Variants in APOB observed in about 807,000 individuals in gnomAD.
The protein encoded by APOB is apolipoprotein B.
APOB carries 153 observed loss-of-function variants against 314.1 expected under a neutral mutation model. The observed-to-expected ratio is 0.49, with a 90% CI of 0.43 to 0.56. The LOEUF (loss-of-function observed/expected upper bound fraction) is 0.56. Among genes scored for constraint, APOB ranks in the 20% least tolerant of loss-of-function variants. APOB has a pLI of 0.00. For missense variants in APOB, 5,430 were observed against 5,350.7 expected (o/e 1.01, Z -0.46); for synonymous variants, 2,087 against 2,036.4 (o/e 1.02, Z -0.67).
intron 28 of APOB, 22 bp downstream of exon 28, chr2:21,004,247 T>C (rs1663066615): frequency 1.2e-6 from 2 of 1,613,118 alleles, no homozygotes; most frequent in East Asian, 2.2e-5. Context: ...TGGGGGCGTG[T>C]CACTCATTAG....
chr2:21,043,842 C>T (rs755979791), intron 1 of APOB, 22 bp downstream of exon 1: 2 of 1,530,348 alleles, frequency 1.3e-6, no homozygotes, highest in Non-Finnish European at 8.7e-7. Flanking sequence ...CCTCTGCGCC[C>T]GCAGAGCGGC....
intron 14 of APOB, 78 bp from the exon 15 acceptor site, chr2:21,027,042 G>T: frequency 7.6e-7 from 1 of 1,321,194 alleles, no homozygotes; most frequent in Non-Finnish European, 1.1e-6. Flanking sequence ...CACTCTTGAT[G>T]TCCATTTATC....
chr2:21,041,717 TTTAAATAGCCCAA>T (rs1035622086), intron 3 of APOB, among the ~76,000 whole-genome samples: 1 of 152,184 alleles, frequency 6.6e-6, no homozygotes, highest in African/African-American at 2.4e-5. Flanking sequence ...TTTCATTCCA[TTTAAATAGCCCAA>T]TGTGGCTCAT....
At chr2:21,025,220 G>T (rs1411412535) in intron 15 of APOB, 96 bp from the exon 16 acceptor site, 6 of 1,270,378 alleles carry the variant, frequency 4.7e-6, no homozygotes, top group Non-Finnish European at 5.7e-6. Context: ...GCCAGGATGG[G>T]CCTAAAAAAT....
chr2:21,041,791 A>C (rs1029143106), intron 3 of APOB, among the ~76,000 whole-genome samples: 4 of 152,276 alleles, frequency 2.6e-5, no homozygotes, highest in East Asian at 3.8e-4. Flanking sequence ...CTCTAAAAAA[A>C]GGTGACTGCT....
chr2:21,004,527 G>A (rs774067597), intron 27 of APOB, 34 bp downstream of exon 27: 4 of 1,611,958 alleles, frequency 2.5e-6, no homozygotes, highest in African/African-American at 2.7e-5. Context: ...GTTTTCAAAA[G>A]GTATAAGGTT....
At chr2:21,025,529 C>T (rs898107324) in intron 15 of APOB, among the ~76,000 whole-genome samples, 2 of 152,060 alleles carry the variant, frequency 1.3e-5, no homozygotes, top group Non-Finnish European at 2.9e-5. Flanking sequence ...TATAAATTCA[C>T]CAGAAGTTTG....
At position 21,015,511 on chromosome 2, in the gene APOB, C is replaced by T; in HGVS notation, c.3367G>A (p.Val1123Ile). The change falls in exon 22 of 29, where the codon GTT becomes ATT. Residue 1123 changes from valine (V) to isoleucine (I), a missense_variant. By Grantham distance (29) the Val-to-Ile change is conservative (BLOSUM62 3). Coordinates refer to ENST00000233242, the MANE Select transcript of APOB (RefSeq NM_000384.3). ...DTKEERKIKG[V>I]ISIPRLQAEA... ...GCTTGCAAACGGGGTATGGAAATAA[C>T]ACCCTTGATTTTTCTTTCTTCCTTT... 1.9e-6 allele frequency: 3 copies of T among 1,613,898 alleles called. No homozygotes were observed. The highest frequency in any genetic ancestry group is 1.7e-5 in the Admixed American group (1 of 60,024).
Position 21,007,597 on chromosome 2 carries a change from CACTT to C in APOB, c.9267_9270del (p.Ser3090LeufsTer25), listed in dbSNP as rs1663181164. On this transcript the variant is annotated frameshift_variant, in exon 26 of 29. Coordinates refer to ENST00000233242, the MANE Select transcript of APOB (RefSeq NM_000384.3). LOFTEE classifies it high-confidence loss of function. ...TTGTACTTATACTGATTGAACCTAG[CACTT>C]ACTTGCCAACTTGCTTGCTGGGCAC... The C allele has an allele frequency of 1.2e-6, 2 of 1,614,070 alleles. No individual in the cohort carries two copies. Among genetic ancestry groups the C allele is most frequent in the Non-Finnish European group, 1.7e-6 (2 of 1,179,950 alleles).
chr2:21,015,614 G>A lies in APOB; in HGVS notation c.3333-69C>T, dbSNP rs537862594. 3.2e-6 allele frequency: 5 copies of A among 1,539,810 alleles called. No homozygotes were observed. The African/African-American group carries it at 4.1e-5, about 13-fold the overall frequency. On this transcript the variant is annotated intron_variant, in intron 21 of 28. Coordinates refer to ENST00000233242, the MANE Select transcript of APOB (RefSeq NM_000384.3). ...CAATGGAGATATGCAGGATTAAACA[G>A]AAGTTCCATTTGTGGTGATCAAAAC...
At chr2:21,014,965 G>A in intron 23 of APOB, 108 bp downstream of exon 23, 1 of 1,188,552 alleles carries the variant, frequency 8.4e-7, no homozygotes, top group South Asian at 1.3e-5. Flanking sequence ...TGGGGGGAAG[G>A]AAGCATGCCT....
At position 21,040,937 on chromosome 2, in the gene APOB, C is replaced by T; in HGVS notation, c.383+1G>A. 6.2e-7 allele frequency: 1 copy of T among 1,614,018 alleles called. No homozygotes were observed. Among genetic ancestry groups the T allele is most frequent in the Non-Finnish European group, 8.5e-7 (1 of 1,180,018 alleles). On this transcript the variant is annotated splice_donor_variant, in intron 4 of 28. Transcript: ENST00000233242. LOFTEE classifies it high-confidence loss of function. ...GTGTGCTCATGTACAACATGACTTA[C>T]CTGGACATGGCTGCAGCAAACTCCT...
chr2:21,011,240 A>T lies in APOB; in HGVS notation c.5628T>A (p.Ala1876=). The change falls in exon 26 of 29, where the codon GCT becomes GCA. Residue 1876 remains alanine, a synonymous_variant. Transcript: ENST00000233242. ...HRLNTDIAGL[A]SAIDMSTNYN... is the part of the protein sequence containing the mutation. ...AGTTTGTGCTCATGTCAATGGCTGA[A>T]GCCAGCCCAGCGATGTCTGTGTTGA... 1 of 1,614,242 alleles carries T rather than the reference A, an allele frequency of 6.2e-7. No individual in the cohort carries two copies. The highest frequency in any genetic ancestry group is 8.5e-7 in the Non-Finnish European group (1 of 1,180,034).
intron 21 of APOB, 79 bp from the exon 22 acceptor site, chr2:21,015,624 T>C (rs2000997): frequency 2.0e-6 from 3 of 1,494,518 alleles, no homozygotes; most frequent in Non-Finnish European, 2.8e-6. Context: ...GAAGTTCCAT[T>C]TGTGGTGATC....
Position 21,033,285 on chromosome 2 carries a change from T to C in APOB, c.1124+14A>G. On this transcript the variant is annotated intron_variant, in intron 9 of 28. Coordinates refer to ENST00000233242, the MANE Select transcript of APOB (RefSeq NM_000384.3). ...ATCAGTTTTATAAAAAGTTGAGCTG[T>C]AACCATTAGATACCTGGACACCTCA... 6.2e-7 allele frequency: 1 copy of C among 1,606,782 alleles called. No individual in the cohort carries two copies. Among genetic ancestry groups the C allele is most frequent in the Non-Finnish European group, 8.5e-7 (1 of 1,173,280 alleles).
chr2:21,032,423 T>G lies in APOB; in HGVS notation c.1283A>C (p.Glu428Ala). 2 of 1,614,108 alleles carry G rather than the reference T, an allele frequency of 1.2e-6. No individual in the cohort carries two copies. The highest frequency in any genetic ancestry group is 1.1e-5 in the South Asian group (1 of 91,086). Residue 428 changes from glutamate to alanine, a missense_variant, in exon 10 of 29, where the codon GAG becomes GCG. Physicochemically the swap from Glu to Ala is moderately radical, Grantham distance 107. Coordinates refer to ENST00000233242, the MANE Select transcript of APOB (RefSeq NM_000384.3). ...IPEPSAQQLR[E>A]IFNMARDQRS... is the part of the protein sequence containing the mutation. ...CTGATCCCTCGCCATGTTGAAGATC[T>G]CTCGCAGCTGCTGTGCTGAGGGCTC...
At chr2:21,030,717 T>C (rs932375248) in intron 10 of APOB, among the ~76,000 whole-genome samples, 1 of 152,006 alleles carries the variant, frequency 6.6e-6, no homozygotes, top group African/African-American at 2.4e-5. Flanking sequence ...GGTACTAATA[T>C]CCGGAATGTA....
chr2:21,012,221 A>T lies in APOB; in HGVS notation c.4647T>A (p.Asp1549Glu). 6.2e-7 allele frequency: 1 copy of T among 1,609,132 alleles called. No individual in the cohort carries two copies. The highest frequency in any genetic ancestry group is 8.5e-7 in the Non-Finnish European group (1 of 1,176,640). ...TATTTTTAATGATGCCACTTTGCAG[A>T]TCAGAGGTGGAGGTGAGGGAGAGGG... ...DGTLSLTSTSDLQSGIIKNTA... is the reference protein window; with the variant it reads ...DGTLSLTSTSELQSGIIKNTA... The change falls in exon 26 of 29, where the codon GAT (aspartate) becomes GAA (glutamate). Residue 1549 changes from aspartate (D) to glutamate (E), a missense_variant. Physicochemically the swap from Asp to Glu is conservative, Grantham distance 45. This residue lies in a region of APOB where 2,085 missense variants were observed against 2,079.7 expected (regional missense o/e 1.00). Coordinates refer to ENST00000233242, the MANE Select transcript of APOB (RefSeq NM_000384.3).
Position 21,007,944 on chromosome 2 carries a change from A to G in APOB, c.8924T>C (p.Val2975Ala). 6.2e-7 allele frequency: 1 copy of G among 1,614,052 alleles called. No individual in the cohort carries two copies. ...SKHLRVNQNL[V>A]YESGSLNFSK... ...AAAGTTGAGGGAGCCAGATTCATAA[A>G]CCAAGTTTTGGTTTACTCTTAGGTG... The change falls in exon 26 of 29, where the codon GTT becomes GCT. Residue 2975 changes from valine (V) to alanine (A), a missense_variant. Physicochemically the swap from Val to Ala is moderately conservative, Grantham distance 64. Coordinates refer to ENST00000233242, the MANE Select transcript of APOB (RefSeq NM_000384.3).
Sources: allele counts gnomAD v4.1 joint callset (sites outside exome capture counted in the v4.1 genomes callset), GRCh38; gene constraint gnomAD v4.1.1; regional missense constraint gnomAD v4.1.1; transcripts MANE v1.5; gene names NCBI Gene and HGNC (gene_info 2026-07-23, HGNC 2026-07-21).